ACER1: variants seen among roughly 807,000 people sequenced by gnomAD.
ACER1 encodes the protein CTB-180A7.3.
ACER1 carries 28 observed loss-of-function variants against 24.9 expected under a neutral mutation model. The ratio of observed to expected loss-of-function variants is 1.13; its 90% CI spans 0.83 to 1.54. ACER1 has a LOEUF of 1.54. Ranked by LOEUF, ACER1 falls within the 40% of genes most tolerant of loss-of-function variation. The pLI is 0.00. For missense variants in ACER1, 352 were observed against 349.3 expected (o/e 1.01, Z -0.06); for synonymous variants, 132 against 131.4 (o/e 1.00, Z -0.03).
chr19:6,339,539 G>A, the ACER1 span, among the ~76,000 whole-genome samples: 1 of 152,154 alleles, frequency 6.6e-6, no homozygotes, highest in Non-Finnish European at 1.5e-5. Flanking sequence ...AGGGGATGGT[G>A]GTGATGGCTG....
the ACER1 span, among the ~76,000 whole-genome samples, chr19:6,342,151 T>C: frequency 6.6e-6 from 1 of 152,176 alleles, no homozygotes. Context: ...TATTGGGTAA[T>C]TGGTGAAATT....
At chr19:6,333,691 G>A (rs1329256826), upstream of ACER1, 9 of 637,264 alleles carry the variant, frequency 1.4e-5, no homozygotes, top group African/African-American at 3.7e-5. Context: ...CTGCTGGGCC[G>A]CTCCCCAGTT....
the ACER1 span, among the ~76,000 whole-genome samples, chr19:6,344,271 A>T: frequency 6.6e-6 from 1 of 151,406 alleles, no homozygotes; most frequent in East Asian, 1.9e-4. Flanking sequence ...TCCGTCTAAA[A>T]ATATATATAT....
chr19:6,354,234 T>C, the ACER1 span, among the ~76,000 whole-genome samples: 1 of 151,570 alleles, frequency 6.6e-6, no homozygotes, highest in Admixed American at 6.6e-5. Flanking sequence ...AAATAAATAG[T>C]GATTCTCAGC....
rs904287324 is a variant in ACER1, at chr19:6,314,585, A to G, written c.94-2086T>C. 2.6e-5 allele frequency among the ~76,000 whole-genome samples: 4 copies of G among 152,092 alleles called. No individual in the cohort carries two copies. In the East Asian group the frequency reaches 7.7e-4, roughly 29 times the overall value. On this transcript the variant is annotated intron_variant, in intron 1 of 5. Transcript: ENST00000301452. The stretch of plus-strand genomic sequence containing the variant: ...ACAAAGTGTCTCCCTGATATGTCTG[A>G]GCCGCGACAAGTCTCTCATATGACA...
chr19:6,326,288 C>T (rs886504571), intron 1 of ACER1, among the ~76,000 whole-genome samples: 2 of 152,110 alleles, frequency 1.3e-5, no homozygotes, highest in African/African-American at 2.4e-5. Flanking sequence ...CCACAATGCC[C>T]GGCTAATTTT....
At chr19:6,335,239 T>A (rs1436517317), upstream of ACER1, among the ~76,000 whole-genome samples, 1 of 143,756 alleles carries the variant, frequency 7.0e-6, no homozygotes, top group Non-Finnish European at 1.5e-5. Flanking sequence ...TTTTTTTTTT[T>A]TTTGAGATGG....
the ACER1 span, among the ~76,000 whole-genome samples, chr19:6,359,628 G>C: frequency 6.6e-6 from 1 of 151,996 alleles, no homozygotes; most frequent in African/African-American, 2.4e-5. Flanking sequence ...GCCTGAATCT[G>C]CTGTGATTCG....
the ACER1 span, among the ~76,000 whole-genome samples, chr19:6,350,222 C>T: frequency 6.6e-6 from 1 of 151,190 alleles, no homozygotes; most frequent in African/African-American, 2.4e-5. Flanking sequence ...AATCCCAGCA[C>T]TTTGGGAGGC....
chr19:6,314,664 C>T (rs922009285), intron 1 of ACER1, among the ~76,000 whole-genome samples: 1 of 152,020 alleles, frequency 6.6e-6, no homozygotes, highest in Non-Finnish European at 1.5e-5. Context: ...CTACGGAAAA[C>T]AGTATGCAGA....
the ACER1 span, among the ~76,000 whole-genome samples, chr19:6,343,369 C>A: frequency 6.6e-6 from 1 of 152,108 alleles, no homozygotes. Context: ...ATGCCTCCAT[C>A]CCAGCATGTG....
chr19:6,333,822 C>T (rs529276547), upstream of ACER1, among the ~76,000 whole-genome samples: 35 of 152,274 alleles, frequency 2.3e-4, no homozygotes, highest in African/African-American at 8.2e-4. Flanking sequence ...TCCAGATTAC[C>T]CAGGAATAGG....
At chr19:6,324,021 G>A (rs749806304) in intron 1 of ACER1, among the ~76,000 whole-genome samples, 12 of 152,166 alleles carry the variant, frequency 7.9e-5, no homozygotes, top group South Asian at 2.1e-4. Context: ...ACCCCCTTCC[G>A]ACTCTGATCT....
chr19:6,336,870 C>T (rs2091716555), upstream of ACER1, among the ~76,000 whole-genome samples: 1 of 148,838 alleles, frequency 6.7e-6, no homozygotes, highest in African/African-American at 2.5e-5. Context: ...TGCTATGTTG[C>T]CCTGCATTCC....
the ACER1 span, among the ~76,000 whole-genome samples, chr19:6,358,664 T>C: frequency 1.3e-5 from 2 of 148,614 alleles, no homozygotes; most frequent in Non-Finnish European, 3.0e-5. Flanking sequence ...CCGGGCGCAG[T>C]GGCTCACGCC....
At chr19:6,350,742 T>A in the ACER1 span, among the ~76,000 whole-genome samples, 1 of 152,104 alleles carries the variant, frequency 6.6e-6, no homozygotes, top group Admixed American at 6.5e-5. Context: ...GCGGGGGTTG[T>A]TCTCTGTTTT....
chr19:6,312,053 G>C, intron 3 of ACER1, 96 bp downstream of exon 3: 1 of 1,470,842 alleles, frequency 6.8e-7, no homozygotes, highest in Non-Finnish European at 9.1e-7. Context: ...CCCAAAGAGG[G>C]TCAAGGGTGG....
At chr19:6,358,660 G>A in the ACER1 span, among the ~76,000 whole-genome samples, 4 of 150,580 alleles carry the variant, frequency 2.7e-5, no homozygotes, top group African/African-American at 7.4e-5. Flanking sequence ...GTGGCCGGGC[G>A]CAGTGGCTCA....
intron 1 of ACER1, among the ~76,000 whole-genome samples, chr19:6,326,884 T>C (rs2091664094): frequency 6.6e-6 from 1 of 152,140 alleles, no homozygotes; most frequent in Admixed American, 6.6e-5. Context: ...CTCCCCACAT[T>C]GTAGCTACAG....
Sources: allele counts gnomAD v4.1 joint callset (sites outside exome capture counted in the v4.1 genomes callset), GRCh38; gene constraint gnomAD v4.1.1; transcripts MANE v1.5; gene names NCBI Gene and HGNC (gene_info 2026-07-23, HGNC 2026-07-21).